COL9A1: variants seen among roughly 807,000 people sequenced by gnomAD.
The protein encoded by COL9A1 is collagen alpha-1(IX) chain.
Under a neutral mutation model 142.6 loss-of-function variants are expected in COL9A1, and 104 were observed. The ratio of observed to expected loss-of-function variants is 0.73; its 90% CI spans 0.62 to 0.86. The LOEUF is 0.86. Ranked by LOEUF, COL9A1 falls within the 40% of genes least tolerant of loss-of-function variation. The pLI, the probability that COL9A1 is intolerant of heterozygous loss-of-function variation, is 0.00. For synonymous variants in COL9A1, 466 were observed against 396.0 expected (o/e 1.18, Z -2.10); for missense variants, 1,210 against 1,176.6 (o/e 1.03, Z -0.42).
At chr6:70,261,828 T>C (rs567034709) in intron 19 of COL9A1, among the ~76,000 whole-genome samples, 1 of 152,244 alleles carries the variant, frequency 6.6e-6, no homozygotes, top group Non-Finnish European at 1.5e-5. Context: ...ATATTTTCTC[T>C]TGAGGTGTCT....
At chr6:70,266,541 A>T (rs1358053076) in intron 18 of COL9A1, among the ~76,000 whole-genome samples, 176 bp downstream of exon 18, 1 of 152,256 alleles carries the variant, frequency 6.6e-6, no homozygotes, top group Non-Finnish European at 1.5e-5. Flanking sequence ...GAACAACTTC[A>T]GAATATGATA....
At chr6:70,244,564 G>A (rs1160247652) in intron 28 of COL9A1, among the ~76,000 whole-genome samples, 1 of 152,078 alleles carries the variant, frequency 6.6e-6, no homozygotes, top group Non-Finnish European at 1.5e-5. Context: ...GTAATTGGTG[G>A]GGAAAAGTTA....
intron 14 of COL9A1, among the ~76,000 whole-genome samples, chr6:70,271,432 A>T (rs116910928): frequency 9.8e-5 from 15 of 152,316 alleles, no homozygotes; most frequent in Non-Finnish European, 1.9e-4. Context: ...ACAATCTGGA[A>T]GTTGGGAAGA....
intron 20 of COL9A1, among the ~76,000 whole-genome samples, chr6:70,257,060 T>TC: frequency 6.9e-6 from 1 of 144,978 alleles, no homozygotes; most frequent in East Asian, 2.0e-4. Flanking sequence ...TTTTTTTTTT[T>TC]TTTTTTTTTT....
At chr6:70,299,328 A>G (rs1773966023) in intron 4 of COL9A1, among the ~76,000 whole-genome samples, 2 of 152,120 alleles carry the variant, frequency 1.3e-5, no homozygotes, top group African/African-American at 4.8e-5. Flanking sequence ...CTACTAAAGG[A>G]ATTTTAATTC....
At chr6:70,273,941 T>TA (rs1772568646) in intron 12 of COL9A1, 106 bp downstream of exon 12, 6 of 474,168 alleles carry the variant, frequency 1.3e-5, no homozygotes, top group East Asian at 6.1e-5. Flanking sequence ...TAAAGTATAA[T>TA]AATAAATAAA....
intron 28 of COL9A1, among the ~76,000 whole-genome samples, chr6:70,250,557 C>T (rs1234023057): frequency 1.3e-5 from 2 of 152,152 alleles, no homozygotes; most frequent in Non-Finnish European, 2.9e-5. Context: ...TGGTGGAAGT[C>T]GGCTGACAAA....
intron 37 of COL9A1, among the ~76,000 whole-genome samples, chr6:70,220,038 AAGCC>A (rs1261878169): frequency 2.0e-5 from 3 of 152,250 alleles, no homozygotes; most frequent in Non-Finnish European, 4.4e-5. Context: ...AGAGTCGATG[AAGCC>A]ATCCTGTCTA....
At position 70,294,527 on chromosome 6, in the gene COL9A1, G is replaced by A; in HGVS notation, c.336C>T (p.Ser112=). 6.2e-7 allele frequency: 1 copy of A among 1,614,040 alleles called. No individual in the cohort carries two copies. Among genetic ancestry groups the A allele is most frequent in the Non-Finnish European group, 8.5e-7 (1 of 1,179,948 alleles). The change falls in exon 5 of 38, where the codon TCC becomes TCT. Residue 112 remains serine, a synonymous_variant. Transcript: ENST00000357250. ...CAGTCATTCGAAACGTCGTCAAGAA[G>A]GAGTATTCTTCAGGCAGTCCACTGG... ...LYPSGLPEEY[S]FLTTFRMTGS... is the part of the protein sequence containing the mutation.
rs57686729 is a variant in COL9A1, at chr6:70,240,578, A to AATATAT, written c.2079+105_2079+110dup. The AATATAT allele has an allele frequency of 5.6e-4, 267 of 476,728 alleles. 1 individual carries two copies. The highest frequency in any genetic ancestry group is 2.1e-3 in the African/African-American group (99 of 47,202). 29.5% of individuals were successfully genotyped at this position (476,728 alleles called of 1,614,324 possible). ...AGGATAACAGTGTCCAGAAAATAAG[A>AATATAT]ATATATATATATATATACCAATTTT... On this transcript the variant is annotated intron_variant, in intron 32 of 37. Coordinates refer to ENST00000357250, the MANE Select transcript of COL9A1 (RefSeq NM_001851.6).
At chr6:70,292,496 G>A (rs1023231972) in intron 5 of COL9A1, among the ~76,000 whole-genome samples, 12 of 152,156 alleles carry the variant, frequency 7.9e-5, no homozygotes, top group African/African-American at 2.9e-4. Context: ...ACTGTGATGT[G>A]AGAATAGAGT....
At chr6:70,251,583 G>A (rs936929359) in intron 28 of COL9A1, among the ~76,000 whole-genome samples, 3 of 152,106 alleles carry the variant, frequency 2.0e-5, no homozygotes. Flanking sequence ...AAAACAAAAA[G>A]CTCACATATT....
At position 70,260,882 on chromosome 6, in the gene COL9A1, A is replaced by G. The variant is rs1225247395; in HGVS notation, c.1396-172T>C. The G allele has an allele frequency of 8.5e-6, 5 of 591,318 alleles. No homozygotes were observed. In the African/African-American group the frequency reaches 9.4e-5, roughly 11 times the overall value. The allele number at this position is 591,318 out of a possible 1,614,324, so 36.6% of individuals were successfully genotyped here. A position where few individuals can be genotyped will look rare whatever the true frequency, so the allele number is the denominator to read the frequency against. ...TTTCTAGTTTAGAAAGTCCAAGGAG[A>G]ATTCTTCTGATGGTAAACCTTTTTA... On this transcript the variant is annotated intron_variant, in intron 19 of 37. Transcript: ENST00000357250.
In COL9A1 at chr6:70,216,925, C is replaced by T. The variant is rs1422617430; in HGVS notation, c.2738G>A (p.Arg913Gln). ...PASCTMQAGQ[R>Q]AFNKGPDP ...AGGGTCAGGCCCTTTGTTAAATGCT[C>T]GCTGACCAGCCTGCATGGTGCAGGA... is the stretch of plus-strand genomic sequence containing the variant. Residue 913 changes from arginine (R) to glutamine (Q), a missense_variant, in exon 38 of 38, where the codon CGA becomes CAA. Coordinates refer to ENST00000357250, the MANE Select transcript of COL9A1 (RefSeq NM_001851.6). 3 of 1,613,972 alleles carry T rather than the reference C, an allele frequency of 1.9e-6. No individual in the cohort carries two copies. The highest frequency in any genetic ancestry group is 1.3e-5 in the African/African-American group (1 of 74,910).
chr6:70,253,004 C>A (rs923892441), intron 26 of COL9A1, among the ~76,000 whole-genome samples: 2 of 149,824 alleles, frequency 1.3e-5, no homozygotes, highest in African/African-American at 4.9e-5. Flanking sequence ...AAGCACTGGT[C>A]GATCAGTATG....
intron 28 of COL9A1, among the ~76,000 whole-genome samples, chr6:70,245,300 T>G (rs1229362648): frequency 6.6e-6 from 1 of 152,218 alleles, no homozygotes; most frequent in African/African-American, 2.4e-5. Context: ...AACAGTTATC[T>G]CTGAAAACAT....
intron 8 of COL9A1, 43 bp downstream of exon 8, chr6:70,281,347 G>A: frequency 6.3e-7 from 1 of 1,586,958 alleles, no homozygotes; most frequent in Non-Finnish European, 8.6e-7. Context: ...AATAGGAAAG[G>A]GCAGGACTGG....
At chr6:70,243,606 C>T (rs1008278036) in intron 28 of COL9A1, among the ~76,000 whole-genome samples, 5 of 152,128 alleles carry the variant, frequency 3.3e-5, no homozygotes, top group South Asian at 2.1e-4. Context: ...CAGCTCACTG[C>T]AACCTCCATC....
At chr6:70,256,424 A>G (rs1771301170) in intron 21 of COL9A1, among the ~76,000 whole-genome samples, 1 of 152,210 alleles carries the variant, frequency 6.6e-6, no homozygotes, top group Admixed American at 6.5e-5. Flanking sequence ...ATGGAGTCAG[A>G]AACCATAGAA....
Sources: allele counts gnomAD v4.1 joint callset (sites outside exome capture counted in the v4.1 genomes callset), GRCh38; gene constraint gnomAD v4.1.1; transcripts MANE v1.5; gene names NCBI Gene and HGNC (gene_info 2026-07-23, HGNC 2026-07-21).